CEMIP: variants seen among roughly 807,000 people sequenced by gnomAD.
The protein encoded by CEMIP is cell migration-inducing and hyaluronan-binding protein.
Under a neutral mutation model 156.9 loss-of-function variants are expected in CEMIP, and 105 were observed. That is an observed-to-expected ratio of 0.67 (90% CI 0.57 to 0.79). CEMIP has a LOEUF of 0.79. Among genes scored for constraint, CEMIP ranks in the 30% least tolerant of loss-of-function variants. CEMIP has a pLI of 0.00. For synonymous variants in CEMIP, 676 were observed against 668.4 expected, an observed-to-expected ratio of 1.01 and a Z score of -0.17; for missense variants, 1,457 against 1,769.4, an observed-to-expected ratio of 0.82 and a Z score of 3.17.
chr15:80,834,087 C>T (rs891423181), intron 1 of CEMIP, among the ~76,000 whole-genome samples: 4 of 152,102 alleles, frequency 2.6e-5, no homozygotes, highest in African/African-American at 9.7e-5. Context: ...CCAATAGCAC[C>T]CCCACCTCCC....
chr15:80,831,744 T>TG (rs1897161978), intron 1 of CEMIP, among the ~76,000 whole-genome samples: 1 of 152,344 alleles, frequency 6.6e-6, no homozygotes, highest in African/African-American at 2.4e-5. Context: ...GGGTTCATGC[T>TG]GGGCAACTGT....
chr15:80,921,924 T>G lies in CEMIP; in HGVS notation c.2074-85T>G. 2.5e-6 allele frequency: 4 copies of G among 1,585,058 alleles called. No homozygotes were observed. In the South Asian group the frequency reaches 4.4e-5, roughly 18 times the overall value. On this transcript the variant is annotated intron_variant, in intron 16 of 29. Transcript: ENST00000394685. ...GACGGCAGTAGCTACTAGACCCATCTCCGGCGTGGGCCGCGTGGCCACCTT... is the reference window on the plus strand; with the variant it reads ...GACGGCAGTAGCTACTAGACCCATCGCCGGCGTGGGCCGCGTGGCCACCTT...
chr15:80,815,453 G>A (rs1032958908), intron 1 of CEMIP, among the ~76,000 whole-genome samples: 2 of 152,242 alleles, frequency 1.3e-5, no homozygotes, highest in Non-Finnish European at 2.9e-5. Context: ...AGGATTAGAT[G>A]AAGTAACATA....
At chr15:80,921,988 C>G (rs372661884) in intron 16 of CEMIP, 21 bp from the exon 17 acceptor site, 516 of 1,613,876 alleles carry the variant, frequency 3.2e-4, no homozygotes, top group Non-Finnish European at 4.2e-4. Context: ...GTGGCTTTTC[C>G]CTTGTGTCCT....
chr15:80,901,734 C>T (rs1385783583), intron 12 of CEMIP, among the ~76,000 whole-genome samples: 4 of 151,748 alleles, frequency 2.6e-5, no homozygotes, highest in Non-Finnish European at 4.4e-5. Flanking sequence ...TCCTCAGTCA[C>T]AGCAGCCAGG....
intron 1 of CEMIP, among the ~76,000 whole-genome samples, chr15:80,808,126 C>T (rs1035580498): frequency 6.6e-6 from 1 of 152,174 alleles, no homozygotes; most frequent in African/African-American, 2.4e-5. Flanking sequence ...GGAGACTAGG[C>T]TAGGTATTTT....
chr15:80,795,182 A>G (rs951259918), intron 1 of CEMIP, among the ~76,000 whole-genome samples: 3 of 152,124 alleles, frequency 2.0e-5, no homozygotes, highest in Non-Finnish European at 4.4e-5. Flanking sequence ...GACTGTGAAC[A>G]TCATCCTGAA....
intron 1 of CEMIP, among the ~76,000 whole-genome samples, chr15:80,796,143 A>C (rs1209038536): frequency 1.3e-5 from 2 of 152,068 alleles, no homozygotes; most frequent in Admixed American, 6.6e-5. Context: ...TTATTTATTT[A>C]GCTGTTTTTG....
chr15:80,835,926 T>A (rs1197556276), intron 1 of CEMIP, among the ~76,000 whole-genome samples: 1 of 151,954 alleles, frequency 6.6e-6, no homozygotes, highest in East Asian at 1.9e-4. Context: ...AATGGAAATA[T>A]CTACATGTTT....
chr15:80,888,670 C>T (rs1898932186), intron 8 of CEMIP, 31 bp from the exon 9 acceptor site: 2 of 1,602,370 alleles, frequency 1.2e-6, no homozygotes, highest in Admixed American at 1.7e-5. Flanking sequence ...GGGGTCTGTC[C>T]AGCTCCTAAA....
At chr15:80,790,016 T>A (rs962645746) in intron 1 of CEMIP, among the ~76,000 whole-genome samples, 2 of 152,162 alleles carry the variant, frequency 1.3e-5, no homozygotes, top group Non-Finnish European at 2.9e-5. Context: ...AGAGCCCTGC[T>A]CATGAAGGGC....
At chr15:80,797,414 G>T (rs1317983058) in intron 1 of CEMIP, among the ~76,000 whole-genome samples, 1 of 152,120 alleles carries the variant, frequency 6.6e-6, no homozygotes, top group Non-Finnish European at 1.5e-5. Context: ...AGGCGTGCAG[G>T]GTCCAGCTGC....
At chr15:80,908,894 C>T (rs990570521) in intron 13 of CEMIP, among the ~76,000 whole-genome samples, 2 of 152,228 alleles carry the variant, frequency 1.3e-5, no homozygotes, top group African/African-American at 4.8e-5. Context: ...TGTCCTCTGT[C>T]ATTAGCAGTG....
At chr15:80,823,901 G>A (rs1896966762) in intron 1 of CEMIP, among the ~76,000 whole-genome samples, 1 of 152,178 alleles carries the variant, frequency 6.6e-6, no homozygotes, top group East Asian at 1.9e-4. Flanking sequence ...AACTATCCCT[G>A]TCTCACAGAT....
chr15:80,929,161 C>G lies in CEMIP; in HGVS notation c.2599C>G (p.Leu867Val). The change falls in exon 21 of 30, where the codon CTC becomes GTC. Residue 867 changes from leucine to valine, a missense_variant. Leu to Val is a conservative substitution (Grantham distance 32). Around this residue, in one of 5 missense-constraint regions of CEMIP, gnomAD observed 798 missense variants for 980.1 expected, o/e 0.81. Transcript: ENST00000394685. The stretch of plus-strand genomic sequence containing the variant: ...CGGCTTGGACCATAGCGGAAGGACC[C>G]TCCCTATAGGCCAGTAGGTTTGCAA... Reference protein sequence around the residue: ...PGGLDHSGRTLPIGQNFPIRG... With the variant: ...PGGLDHSGRTVPIGQNFPIRG... The G allele has an allele frequency of 1.9e-6, 3 of 1,614,196 alleles. No individual in the cohort carries two copies. The highest frequency in any genetic ancestry group is 2.5e-6 in the Non-Finnish European group (3 of 1,180,034).
rs190092806 is a variant in CEMIP at position 80,928,986 on chromosome 15, G to A, written c.2457-33G>A. The A allele has an allele frequency of 4.8e-5, 78 of 1,614,194 alleles. 1 individual carries two copies. The Admixed American group carries it at 1.0e-3, about 21-fold the overall frequency. ...TGGTCCTCTGTGGGATCTTGTCTCTGGGCATCTCACCTTAAACATCTTCTC... is the reference window on the plus strand; with the variant it reads ...TGGTCCTCTGTGGGATCTTGTCTCTAGGCATCTCACCTTAAACATCTTCTC... On this transcript the variant is annotated intron_variant, in intron 20 of 29. Transcript: ENST00000394685.
intron 10 of CEMIP, among the ~76,000 whole-genome samples, chr15:80,894,196 A>G (rs980623922): frequency 1.3e-5 from 2 of 152,170 alleles, no homozygotes; most frequent in Non-Finnish European, 2.9e-5. Flanking sequence ...GGGAGGAGGC[A>G]GACATTTGAA....
At chr15:80,796,565 T>C (rs1290651096) in intron 1 of CEMIP, among the ~76,000 whole-genome samples, 1 of 152,234 alleles carries the variant, frequency 6.6e-6, no homozygotes, top group Non-Finnish European at 1.5e-5. Context: ...ATGTGTGTGA[T>C]AAGCCACCAA....
intron 1 of CEMIP, among the ~76,000 whole-genome samples, chr15:80,826,225 C>T (rs947308692): frequency 6.6e-6 from 1 of 152,202 alleles, no homozygotes; most frequent in Non-Finnish European, 1.5e-5. Flanking sequence ...GCATTATTTA[C>T]AAAACTCATT....
Sources: allele counts gnomAD v4.1 joint callset (sites outside exome capture counted in the v4.1 genomes callset), GRCh38; gene constraint gnomAD v4.1.1; regional missense constraint gnomAD v4.1.1; transcripts MANE v1.5; gene names NCBI Gene and HGNC (gene_info 2026-07-23, HGNC 2026-07-21).